Variants in ROBO4 observed in about 807,000 individuals in gnomAD.
ROBO4 encodes roundabout homolog 4.
Under a neutral mutation model 103.3 loss-of-function variants are expected in ROBO4, and 80 were observed. The ratio of observed to expected loss-of-function variants is 0.77; its 90% CI spans 0.65 to 0.93. ROBO4 has a LOEUF of 0.93. ROBO4 is among the 40% of genes least tolerant of loss of function. The pLI, the probability that ROBO4 is intolerant of heterozygous loss-of-function variation, is 0.00. For missense variants in ROBO4, 1,333 were observed against 1,305.3 expected (o/e 1.02, Z -0.33); for synonymous variants, 504 against 529.7 (o/e 0.95, Z 0.67).
At chr11:124,897,340 T>C in intron 1 of ROBO4, 79 bp from the exon 2 acceptor site, 1 of 1,109,282 alleles carries the variant, frequency 9.0e-7, no homozygotes, top group Admixed American at 3.1e-5. Context: ...ATCTGTCTTC[T>C]CTTGTGTGCG....
intron 12 of ROBO4, 48 bp from the exon 13 acceptor site, chr11:124,887,888 G>A: frequency 1.4e-6 from 2 of 1,467,218 alleles, no homozygotes; most frequent in Non-Finnish European, 1.9e-6. Context: ...GGACTTTTCA[G>A]ACCCCAGCTG....
chr11:124,897,512 T>A (rs1446023265), intron 1 of ROBO4: 1 of 590,414 alleles, frequency 1.7e-6, no homozygotes, highest in Admixed American at 3.0e-5. Flanking sequence ...TCTCTTTCTT[T>A]CTTTCTCTCT....
rs948110256 is a variant in ROBO4 at position 124,891,778 on chromosome 11, C to A, written c.1572G>T (p.Trp524Cys). The A allele has an allele frequency of 6.2e-7, 1 of 1,614,018 alleles. No individual in the cohort carries two copies. The highest frequency in any genetic ancestry group is 1.3e-5 in the African/African-American group (1 of 74,914). The change falls in exon 11 of 18, where the codon TGG becomes TGT. Residue 524 changes from tryptophan to cysteine, a missense_variant. Trp to Cys is a radical substitution (Grantham distance 215). Coordinates refer to ENST00000306534, the MANE Select transcript of ROBO4 (RefSeq NM_019055.6). Reference sequence around the variant, plus strand: ...AGGTGGAACGCCAAGTGTCTGCCAACCACTGGGAGTCACTGTGATCCATCC... The same window carrying A: ...AGGTGGAACGCCAAGTGTCTGCCAAACACTGGGAGTCACTGTGATCCATCC... ...KHRMDHSDSQWLADTWRSTSG... is the reference protein window; with the variant it reads ...KHRMDHSDSQCLADTWRSTSG...
In ROBO4 at chr11:124,896,200, T is replaced by C. The variant is rs2135379885; in HGVS notation, c.677A>G (p.Gln226Arg). Residue 226 changes from glutamine (Q) to arginine (R), a missense_variant and splice_region_variant, in exon 4 of 18, where the codon CAG becomes CGG. Physicochemically the swap from Gln to Arg is conservative, Grantham distance 43. Transcript: ENST00000306534. ...TTGTAGCCCACCCCTGCCCTTACCC[T>C]GGATGGAAACCCGGGCTGCGCGGCT... Reference protein sequence around the residue: ...RESRAARVSIQEPQDYTEPVE... With the variant: ...RESRAARVSIREPQDYTEPVE... 3 of 1,613,828 alleles carry C rather than the reference T, an allele frequency of 1.9e-6. No homozygotes were observed. Among genetic ancestry groups the C allele is most frequent in the African/African-American group, 1.3e-5 (1 of 75,046 alleles).
In ROBO4 at chr11:124,893,563, G is replaced by A. The variant is rs1946831297; in HGVS notation, c.1547+125C>T. On this transcript the variant is annotated intron_variant, in intron 10 of 17. Transcript: ENST00000306534. ...AATGAACTATCAGTTGGAGTTACAG[G>A]AGAGATTCATGTACGACAGTCCCAA... 3.6e-6 allele frequency: 3 copies of A among 828,440 alleles called. No homozygotes were observed. The Admixed American group carries it at 5.2e-5, about 14-fold the overall frequency. 51.3% of individuals were successfully genotyped at this position (828,440 alleles called of 1,614,324 possible).
In ROBO4 at chr11:124,887,039, G is replaced by A. The variant is rs746779148; in HGVS notation, c.2373C>T (p.Ser791=). 32 of 1,613,810 alleles carry A rather than the reference G, an allele frequency of 2.0e-5. No homozygotes were observed. In the East Asian group the frequency reaches 2.7e-4, roughly 13 times the overall value. Residue 791 remains serine (S), a synonymous_variant, in exon 15 of 18, where the codon AGC becomes AGT. Coordinates refer to ENST00000306534, the MANE Select transcript of ROBO4 (RefSeq NM_019055.6). The part of the protein sequence containing the change: ...SLSSLGEDQD[S]VLTPEEVALC... Reference sequence around the variant, plus strand: ...GGGCTACCTCCTCAGGGGTCAGCACGCTGTCTTGATCCTCCCCCAGGGATG... The same window carrying A: ...GGGCTACCTCCTCAGGGGTCAGCACACTGTCTTGATCCTCCCCCAGGGATG...
At chr11:124,891,231 C>A in intron 12 of ROBO4, 68 bp downstream of exon 12, 1 of 1,491,374 alleles carries the variant, frequency 6.7e-7, no homozygotes, top group Non-Finnish European at 8.9e-7. Flanking sequence ...GGCCTTGTTC[C>A]CATCACATTC....
At chr11:124,897,602 ATCATCC>A in intron 1 of ROBO4, 118 bp downstream of exon 1, 1 of 781,706 alleles carries the variant, frequency 1.3e-6, no homozygotes, top group Non-Finnish European at 2.2e-6. Context: ...ACTCATCATC[ATCATCC>A]TCATCCTCAT....
chr11:124,885,755 G>A (rs1266390318), intron 16 of ROBO4, among the ~76,000 whole-genome samples: 1 of 152,162 alleles, frequency 6.6e-6, no homozygotes, highest in African/African-American at 2.4e-5. Flanking sequence ...TGAGCCCAGT[G>A]GCTCGTCAGC....
chr11:124,891,659 T>C lies in ROBO4; in HGVS notation c.1684+7A>G. ...GCTAGGCCCTTGCCCCCACTGAGCATGCTCACAGGAGCGACGACAGTCTAG... is the reference window on the plus strand; with the variant it reads ...GCTAGGCCCTTGCCCCCACTGAGCACGCTCACAGGAGCGACGACAGTCTAG... On this transcript the variant is annotated splice_region_variant and intron_variant, in intron 11 of 17. Coordinates refer to ENST00000306534, the MANE Select transcript of ROBO4 (RefSeq NM_019055.6). 2 of 1,614,216 alleles carry C rather than the reference T, an allele frequency of 1.2e-6. No individual in the cohort carries two copies. The highest frequency in any genetic ancestry group is 8.5e-7 in the Non-Finnish European group (1 of 1,180,036).
chr11:124,887,943 G>C (rs2135368076), intron 12 of ROBO4, 103 bp from the exon 13 acceptor site: 1 of 892,104 alleles, frequency 1.1e-6, no homozygotes, highest in African/African-American at 1.7e-5. Flanking sequence ...GCACGACCCT[G>C]AACCCAGAGA....
intron 1 of ROBO4, chr11:124,897,477 C>A: frequency 1.7e-6 from 1 of 572,872 alleles, no homozygotes. Context: ...TTCGCTCTCT[C>A]TCTCTCTCTC....
At position 124,884,545 on chromosome 11, in the gene ROBO4, C is replaced by T; in HGVS notation, c.*346G>A. ...CTGTCCTCCACAAAGGCACCTCTGG[C>T]TCCTCCACTTCCTGTGATCCAAATG... On this transcript the variant is annotated 3_prime_UTR_variant, in exon 18 of 18. Transcript: ENST00000306534. 1 of 383,934 alleles carries T rather than the reference C, an allele frequency of 2.6e-6. No individual in the cohort carries two copies. Among genetic ancestry groups the T allele is most frequent in the Non-Finnish European group, 4.7e-6 (1 of 211,244 alleles). 23.8% of individuals were successfully genotyped at this position (383,934 alleles called of 1,614,324 possible). A position where few individuals can be genotyped will look rare whatever the true frequency, so the allele number is the denominator to read the frequency against.
In ROBO4 at chr11:124,895,496, G is replaced by A; in HGVS notation, c.997C>T (p.Pro333Ser). The A allele has an allele frequency of 3.7e-6, 6 of 1,610,992 alleles. No homozygotes were observed. The highest frequency in any genetic ancestry group is 4.2e-6 in the Non-Finnish European group (5 of 1,180,000). ...CTCAGGAGCAGCACGTTGCTGTCAG[G>A]GCCTCGAGCCCGGCCAGAGGATGGT... ...VRPSSGRARG[P>S]DSNVLLLRLP... The change falls in exon 6 of 18, where the codon CCT becomes TCT. Residue 333 changes from proline to serine, a missense_variant. By Grantham distance (74) the Pro-to-Ser change is moderately conservative. Transcript: ENST00000306534.
chr11:124,887,636 G>A, intron 13 of ROBO4, 97 bp downstream of exon 13: 1 of 1,537,324 alleles, frequency 6.5e-7, no homozygotes, highest in Non-Finnish European at 8.9e-7. Context: ...CTCAGGGAAA[G>A]GAGGATGAGC....
At position 124,885,035 on chromosome 11, in the gene ROBO4, A is replaced by G. The variant is rs750977638; in HGVS notation, c.3001+6T>C. The G allele has an allele frequency of 1.2e-6, 2 of 1,613,830 alleles. No individual in the cohort carries two copies. Among genetic ancestry groups the G allele is most frequent in the Non-Finnish European group, 1.7e-6 (2 of 1,179,894 alleles). Reference sequence around the variant, plus strand: ...GAACACATTAGCCAGGAAGACAGACACTCACCACCAGCCTTGGGCATACGA... The same window carrying G: ...GAACACATTAGCCAGGAAGACAGACGCTCACCACCAGCCTTGGGCATACGA... On this transcript the variant is annotated splice_donor_region_variant and intron_variant, in intron 17 of 17. Coordinates refer to ENST00000306534, the MANE Select transcript of ROBO4 (RefSeq NM_019055.6).
At chr11:124,897,662 C>A (rs1946921168) in intron 1 of ROBO4, 64 bp downstream of exon 1, 5 of 1,443,510 alleles carry the variant, frequency 3.5e-6, no homozygotes, top group African/African-American at 2.8e-5. Context: ...AGTCAGCAGG[C>A]CCCTTCTGCC....
At chr11:124,885,877 A>G (rs1946703357) in intron 16 of ROBO4, among the ~76,000 whole-genome samples, 1 of 152,112 alleles carries the variant, frequency 6.6e-6, no homozygotes, top group South Asian at 2.1e-4. Context: ...ATGGACCTAC[A>G]GTTGGCTGCC....
Position 124,891,528 on chromosome 11 carries a change from G to A in ROBO4, c.1719C>T (p.Pro573=). 1 of 1,614,204 alleles carries A rather than the reference G, an allele frequency of 6.2e-7. No homozygotes were observed. Among genetic ancestry groups the A allele is most frequent in the East Asian group, 2.2e-5 (1 of 44,882 alleles). ...AAAAAGTGCTGGTGTCTGGAAGCAG[G>A]GGCACGCCGGGGCTTCGGGAGTCCC... ...LSWDSRSPGV[P]LLPDTSTFYG... The change falls in exon 12 of 18, where the codon CCC becomes CCT. Residue 573 remains proline (P), a synonymous_variant. Coordinates refer to ENST00000306534, the MANE Select transcript of ROBO4 (RefSeq NM_019055.6).
Sources: gnomAD v4.1 joint callset for allele counts (sites outside exome capture counted in the v4.1 genomes callset) on GRCh38, gnomAD v4.1.1 for gene constraint, MANE v1.5 for transcripts, NCBI Gene and HGNC (gene_info 2026-07-23, HGNC 2026-07-21) for gene names.